The following GMDS variants were observed in gnomAD, a reference collection of about 807,000 sequenced individuals.
The protein encoded by GMDS is GDP-mannose 4,6 dehydratase.
In GMDS, 20 loss-of-function variants were observed where a neutral mutation model predicts 49.9. The observed-to-expected ratio is 0.40, with a 90% CI of 0.28 to 0.58. GMDS has a LOEUF of 0.58. Among genes scored for constraint, GMDS ranks in the 20% least tolerant of loss-of-function variants. The pLI is 0.42. For missense variants in GMDS, 362 were observed against 481.4 expected (o/e 0.75, Z 2.32); for synonymous variants, 177 against 178.6 (o/e 0.99, Z 0.07).
chr6:1,675,589 A>T (rs906030332), intron 9 of GMDS, among the ~76,000 whole-genome samples: 2 of 152,120 alleles, frequency 1.3e-5, no homozygotes, highest in Non-Finnish European at 2.9e-5. Flanking sequence ...GCGGTGGCTC[A>T]TGCCTGTAAT....
rs1012476755 is a variant in GMDS at position 1,934,645 on chromosome 6, A to G, written c.644-4415T>C. On this transcript the variant is annotated intron_variant, in intron 6 of 10. Coordinates refer to ENST00000380815, the MANE Select transcript of GMDS (RefSeq NM_001500.4). ...TATTCTTTTTTATTTTATTATAAATACAATTGTTTTCTTGATTTCAAGAAA... is the reference window on the plus strand; with the variant it reads ...TATTCTTTTTTATTTTATTATAAATGCAATTGTTTTCTTGATTTCAAGAAA... Among the ~76,000 whole-genome samples, 8 of 152,302 alleles carry G rather than the reference A, an allele frequency of 5.3e-5. No individual in the cohort carries two copies. In the East Asian group the frequency reaches 1.5e-3, roughly 29 times the overall value.
At chr6:1,688,762 A>G (rs773397085) in intron 9 of GMDS, among the ~76,000 whole-genome samples, 18 of 152,212 alleles carry the variant, frequency 1.2e-4, no homozygotes, top group Non-Finnish European at 2.5e-4. Flanking sequence ...GCCAGCTAAC[A>G]CTTGTGAGGT....
chr6:2,017,435 A>G (rs1767976284), intron 4 of GMDS, among the ~76,000 whole-genome samples: 2 of 152,000 alleles, frequency 1.3e-5, no homozygotes, highest in East Asian at 3.9e-4. Flanking sequence ...CAGCCTCCTG[A>G]GTAACTGGGA....
intron 9 of GMDS, among the ~76,000 whole-genome samples, chr6:1,707,960 A>C (rs181684418): frequency 1.1e-4 from 16 of 152,346 alleles, no homozygotes; most frequent in African/African-American, 3.8e-4. Context: ...TTGTTGCACC[A>C]AAGACTTCAC....
intron 1 of GMDS, among the ~76,000 whole-genome samples, chr6:2,137,503 T>C (rs184764010): frequency 2.6e-5 from 4 of 152,182 alleles, no homozygotes; most frequent in Non-Finnish European, 5.9e-5. Flanking sequence ...CCGGCTAATT[T>C]TGTATTTTTT....
chr6:1,891,559 C>A (rs1322783198), intron 7 of GMDS, among the ~76,000 whole-genome samples: 2 of 152,206 alleles, frequency 1.3e-5, no homozygotes, highest in Non-Finnish European at 1.5e-5. Flanking sequence ...AGTACTTGAT[C>A]TCCTAATTTA....
At chr6:1,665,185 T>C (rs965594046) in intron 9 of GMDS, among the ~76,000 whole-genome samples, 2 of 152,226 alleles carry the variant, frequency 1.3e-5, no homozygotes, top group African/African-American at 4.8e-5. Context: ...GCCATGTTGG[T>C]GTGCTGCACC....
intron 9 of GMDS, among the ~76,000 whole-genome samples, chr6:1,698,219 T>C (rs994457979): frequency 3.3e-5 from 5 of 152,112 alleles, no homozygotes; most frequent in African/African-American, 1.2e-4. Context: ...GAATGTATAC[T>C]TTAGCTTTGT....
At chr6:1,729,688 C>A (rs942630826) in intron 8 of GMDS, among the ~76,000 whole-genome samples, 2 of 152,184 alleles carry the variant, frequency 1.3e-5, no homozygotes, top group Non-Finnish European at 2.9e-5. Flanking sequence ...AATGAAGTGA[C>A]GGTGGCTTGA....
intron 1 of GMDS, among the ~76,000 whole-genome samples, chr6:2,240,857 T>C (rs1234362990): frequency 1.3e-5 from 2 of 152,172 alleles, no homozygotes; most frequent in South Asian, 2.1e-4. Flanking sequence ...GCATTACTTG[T>C]AGAATTGGTA....
chr6:2,025,442 T>G (rs1441008522), intron 4 of GMDS, among the ~76,000 whole-genome samples: 1 of 149,532 alleles, frequency 6.7e-6, no homozygotes, highest in Non-Finnish European at 1.5e-5. Flanking sequence ...TATTAAATGG[T>G]CAGGATAAAA....
chr6:1,861,679 A>G (rs1405689716), intron 7 of GMDS, among the ~76,000 whole-genome samples: 1 of 151,774 alleles, frequency 6.6e-6, no homozygotes, highest in Admixed American at 6.6e-5. Flanking sequence ...GGTTACAGGG[A>G]AATGGGCTAA....
In GMDS at chr6:1,833,460, T is replaced by C. The variant is rs546760573; in HGVS notation, c.772-90874A>G. 5.9e-5 allele frequency among the ~76,000 whole-genome samples: 9 copies of C among 152,228 alleles called. No individual in the cohort carries two copies. Among genetic ancestry groups the C allele is most frequent in the South Asian group, 4.2e-4 (2 of 4,812 alleles). On this transcript the variant is annotated intron_variant, in intron 7 of 10. Transcript: ENST00000380815. The surrounding 1 kb of genome is among the most constrained non-coding windows in gnomAD (Gnocchi z 4.4). ...GAGGAGGACGCTGTAATAAAAACTT[T>C]ATAAGGTGAAATCTAAATCCTGAAT... is the stretch of plus-strand genomic sequence containing the variant.
At chr6:1,638,666 C>G (rs893595333) in intron 9 of GMDS, among the ~76,000 whole-genome samples, 1 of 152,136 alleles carries the variant, frequency 6.6e-6, no homozygotes, top group African/African-American at 2.4e-5. Context: ...GTTTGGGATA[C>G]TACCAAGGGA....
chr6:1,944,605 G>C (rs1189969672), intron 6 of GMDS, among the ~76,000 whole-genome samples: 1 of 150,114 alleles, frequency 6.7e-6, no homozygotes, highest in African/African-American at 2.5e-5. Context: ...AGGAAGCGGA[G>C]CTTGCAGTGA....
chr6:1,898,607 C>T (rs76677404), intron 7 of GMDS, among the ~76,000 whole-genome samples: 41 of 152,316 alleles, frequency 2.7e-4, no homozygotes, highest in African/African-American at 9.4e-4. Context: ...CCTGACCTCA[C>T]AGTCTAGCAT....
intron 7 of GMDS, among the ~76,000 whole-genome samples, chr6:1,929,759 TAGA>T (rs1762201141): frequency 6.6e-6 from 1 of 152,230 alleles, no homozygotes; most frequent in Non-Finnish European, 1.5e-5. Flanking sequence ...GCAGTATTTC[TAGA>T]AGATCTGAGA....
intron 7 of GMDS, among the ~76,000 whole-genome samples, chr6:1,853,517 CAAAAAAAAA>C (rs34773610): frequency 6.3e-4 from 44 of 70,392 alleles, no homozygotes; most frequent in African/African-American, 2.3e-3. Context: ...GACTCCGTCT[CAAAAAAAAA>C]AAAAAAAAAA....
At chr6:1,893,465 T>A (rs559756668) in intron 7 of GMDS, among the ~76,000 whole-genome samples, 1 of 152,108 alleles carries the variant, frequency 6.6e-6, no homozygotes, top group African/African-American at 2.4e-5. Context: ...GGATTACAGG[T>A]GTGAGCCACT....
Sources: allele counts gnomAD v4.1 joint callset (sites outside exome capture counted in the v4.1 genomes callset), GRCh38; gene constraint gnomAD v4.1.1; non-coding constraint Gnocchi (gnomAD v3.1); transcripts MANE v1.5; gene names NCBI Gene and HGNC (gene_info 2026-07-23, HGNC 2026-07-21).